The following LRBA variants were observed in gnomAD, a reference collection of about 807,000 sequenced individuals.
LRBA encodes the protein LPS responsive beige-like anchor protein.
Under a neutral mutation model 330.0 loss-of-function variants are expected in LRBA, and 176 were observed. The observed-to-expected ratio is 0.53, with a 90% CI of 0.47 to 0.60. The LOEUF (loss-of-function observed/expected upper bound fraction) is 0.60. Ranked by LOEUF, LRBA falls within the 20% of genes least tolerant of loss-of-function variation. The pLI is 0.00. For synonymous variants in LRBA, 1,230 were observed against 1,193.0 expected (o/e 1.03, Z -0.64); for missense variants, 3,259 against 3,444.8 (o/e 0.95, Z 1.35).
chr4:150,519,859 T>C (rs1391012971), intron 40 of LRBA, among the ~76,000 whole-genome samples: 3 of 152,170 alleles, frequency 2.0e-5, no homozygotes, highest in African/African-American at 7.2e-5. Context: ...AGCTAACATT[T>C]GGTGTTGTCA....
At chr4:150,866,131 TTCTAG>T (rs1752653211) in intron 22 of LRBA, among the ~76,000 whole-genome samples, 1 of 152,240 alleles carries the variant, frequency 6.6e-6, no homozygotes, top group African/African-American at 2.4e-5. Context: ...TATTTATTCC[TTCTAG>T]TCAATTTTTT....
At chr4:150,489,473 TA>T (rs1758543592) in intron 41 of LRBA, among the ~76,000 whole-genome samples, 1 of 45,200 alleles carries the variant, frequency 2.2e-5, no homozygotes. Context: ...TAAAATATAT[TA>T]TATATAAGAA....
intron 46 of LRBA, among the ~76,000 whole-genome samples, chr4:150,426,693 A>G (rs183274395): frequency 1.6e-4 from 24 of 152,014 alleles, no homozygotes; most frequent in South Asian, 6.2e-4. Flanking sequence ...CCCATTTATA[A>G]AAGCATTTAA....
intron 56 of LRBA, among the ~76,000 whole-genome samples, chr4:150,268,059 CAA>C (rs199767343): frequency 7.0e-4 from 81 of 115,240 alleles, no homozygotes; most frequent in Non-Finnish European, 7.7e-4. Flanking sequence ...GACTCCATCT[CAA>C]AAAAAAAAAA....
intron 23 of LRBA, 110 bp from the exon 24 acceptor site, chr4:150,851,012 A>G (rs1194042842): frequency 1.4e-6 from 1 of 699,074 alleles, no homozygotes; most frequent in Non-Finnish European, 2.3e-6. Flanking sequence ...CGTTTTTAAG[A>G]CACTATAAGA....
chr4:150,541,068 T>G (rs552549302), intron 40 of LRBA, among the ~76,000 whole-genome samples: 3 of 152,334 alleles, frequency 2.0e-5, no homozygotes, highest in Admixed American at 1.3e-4. Context: ...GATTCCTTTC[T>G]TCTCAAATAA....
chr4:150,892,997 G>C, intron 17 of LRBA, 55 bp downstream of exon 17: 1 of 1,067,590 alleles, frequency 9.4e-7, no homozygotes, highest in South Asian at 1.5e-5. Flanking sequence ...TATTTAAGAA[G>C]CTTTCAAATA....
intron 47 of LRBA, among the ~76,000 whole-genome samples, chr4:150,411,307 G>T (rs765189349): frequency 3.3e-5 from 5 of 152,132 alleles, no homozygotes; most frequent in Non-Finnish European, 7.3e-5. Flanking sequence ...GTCGTTGGGT[G>T]AGACAGTAGT....
intron 39 of LRBA, 34 bp from the exon 40 acceptor site, chr4:150,588,218 G>A (rs1772362903): frequency 1.3e-6 from 2 of 1,547,402 alleles, no homozygotes. Context: ...ACACAAGTTG[G>A]AATGACATTT....
chr4:150,765,996 A>C lies in LRBA; in HGVS notation c.5581-4149T>G, dbSNP rs188201542. Among the ~76,000 whole-genome samples the C allele has an allele frequency of 2.2e-3, 341 of 152,198 alleles. 2 individuals carry two copies. Among genetic ancestry groups the C allele is most frequent in the African/African-American group, 7.7e-3 (320 of 41,574 alleles). ...ATTTCTTTTCAATTAAAAACAAATTAGACATGAAGGTACATATATAATTGA... is the reference window on the plus strand; with the variant it reads ...ATTTCTTTTCAATTAAAAACAAATTCGACATGAAGGTACATATATAATTGA... On this transcript the variant is annotated intron_variant, in intron 34 of 56. Coordinates refer to ENST00000651943, the MANE Select transcript of LRBA (RefSeq NM_001364905.1).
chr4:150,288,387 C>T (rs1040501877), intron 53 of LRBA, among the ~76,000 whole-genome samples: 1 of 152,076 alleles, frequency 6.6e-6, no homozygotes, highest in Admixed American at 6.5e-5. Flanking sequence ...GTGGGCAGAT[C>T]ACCTGAGGTT....
At chr4:150,897,137 C>T (rs959844934) in intron 15 of LRBA, among the ~76,000 whole-genome samples, 8 of 151,726 alleles carry the variant, frequency 5.3e-5, no homozygotes, top group Admixed American at 2.6e-4. Context: ...GAAAGGTATA[C>T]TAAAAGTTAG....
intron 36 of LRBA, among the ~76,000 whole-genome samples, chr4:150,693,751 A>G (rs1784366647): frequency 1.3e-5 from 2 of 152,098 alleles, no homozygotes; most frequent in Admixed American, 1.3e-4. Flanking sequence ...TCGTTTCAGT[A>G]TCACAAAAAA....
At chr4:150,297,875 A>G (rs1729162159) in intron 53 of LRBA, among the ~76,000 whole-genome samples, 1 of 152,192 alleles carries the variant, frequency 6.6e-6, no homozygotes, top group African/African-American at 2.4e-5. Flanking sequence ...AGGTTAGGGT[A>G]GGGTAAAAGG....
intron 2 of LRBA, among the ~76,000 whole-genome samples, chr4:150,986,737 T>C (rs538021043): frequency 6.8e-4 from 104 of 152,304 alleles, no homozygotes; most frequent in Non-Finnish European, 1.0e-3. Flanking sequence ...ACAAAGATTT[T>C]ACAGGCCTTT....
intron 40 of LRBA, among the ~76,000 whole-genome samples, chr4:150,550,261 A>G (rs1766416716): frequency 6.6e-6 from 1 of 152,190 alleles, no homozygotes; most frequent in Non-Finnish European, 1.5e-5. Flanking sequence ...ATTTTTAAAG[A>G]TAACATGAAC....
At position 150,897,729 on chromosome 4, in the gene LRBA, G is replaced by A. The variant is rs761013539; in HGVS notation, c.2004+10C>T. ...CACGGTATGCTATGGAATAAGCAAC[G>A]TGAACTCACCTTCATCACTAATTGC... On this transcript the variant is annotated intron_variant, in intron 15 of 56. Transcript: ENST00000651943. 5.6e-6 allele frequency: 9 copies of A among 1,595,150 alleles called. No homozygotes were observed. Among genetic ancestry groups the A allele is most frequent in the African/African-American group, 5.4e-5 (4 of 74,644 alleles).
At chr4:150,720,928 G>A (rs903590043) in intron 36 of LRBA, 1 of 396,334 alleles carries the variant, frequency 2.5e-6, no homozygotes, top group African/African-American at 2.1e-5. Flanking sequence ...TGTCTGCAAA[G>A]TTCTAAGGGA....
chr4:150,354,546 C>T (rs1268824670), intron 47 of LRBA, among the ~76,000 whole-genome samples: 1 of 152,062 alleles, frequency 6.6e-6, no homozygotes, highest in Non-Finnish European at 1.5e-5. Flanking sequence ...ATGTCCAACA[C>T]AATATAATAA....
Sources: allele counts gnomAD v4.1 joint callset (sites outside exome capture counted in the v4.1 genomes callset), GRCh38; gene constraint gnomAD v4.1.1; transcripts MANE v1.5; gene names NCBI Gene and HGNC (gene_info 2026-07-23, HGNC 2026-07-21).